KDM4D: variants seen among roughly 807,000 people sequenced by gnomAD.
The protein encoded by KDM4D is lysine-specific demethylase 4D.
For missense variants in KDM4D, 427 were observed against 674.8 expected (o/e 0.63, Z 4.07); for synonymous variants, 254 against 249.1 (o/e 1.02, Z -0.19).
At position 94,997,338 on chromosome 11, in the gene KDM4D, A is replaced by C; in HGVS notation, c.-35A>C. ...TTTCCTACATTGTCAACTATCTAGA[A>C]CATACCTAAAAACTAAGAGTTTACT... is the stretch of plus-strand genomic sequence containing the variant. On this transcript the variant is annotated 5_prime_UTR_variant, in exon 3 of 3. Coordinates refer to ENST00000335080, the MANE Select transcript of KDM4D (RefSeq NM_018039.3). 1 of 1,534,048 alleles carries C rather than the reference A, an allele frequency of 6.5e-7. No homozygotes were observed. Among genetic ancestry groups the C allele is most frequent in the Non-Finnish European group, 8.8e-7 (1 of 1,141,678 alleles).
chr11:94,990,154 C>G (rs1198500378), intron 2 of KDM4D, among the ~76,000 whole-genome samples: 1 of 152,208 alleles, frequency 6.6e-6, no homozygotes, highest in Non-Finnish European at 1.5e-5. Context: ...GCAAGCACAT[C>G]TCATGGAAGA....
intron 2 of KDM4D, among the ~76,000 whole-genome samples, chr11:94,984,218 G>T (rs587639672): frequency 6.6e-6 from 1 of 152,290 alleles, no homozygotes; most frequent in African/African-American, 2.4e-5. Flanking sequence ...AATGAGGCCA[G>T]GCACAGTGGC....
rs1857980602 is a variant in KDM4D, at chr11:94,997,041, G to A, written c.-332G>A. The A allele has an allele frequency of 5.2e-6, 1 of 193,298 alleles. No homozygotes were observed. The highest frequency in any genetic ancestry group is 6.0e-5 in the Admixed American group (1 of 16,706). 12.0% of individuals were successfully genotyped at this position (193,298 alleles called of 1,614,324 possible). ...TCTTTTAGATTTTGTTCTAAACACT[G>A]AGGACATTCTCTGCTACATTTGGGT... On this transcript the variant is annotated 5_prime_UTR_variant, in exon 3 of 3. Transcript: ENST00000335080.
intron 2 of KDM4D, among the ~76,000 whole-genome samples, chr11:94,988,715 G>C (rs782695144): frequency 6.6e-6 from 1 of 152,196 alleles, no homozygotes; most frequent in Non-Finnish European, 1.5e-5. Flanking sequence ...TGGATACACA[G>C]GCTCCAATCC....
chr11:94,982,727 CTT>C (rs879993417), intron 2 of KDM4D, among the ~76,000 whole-genome samples: 88 of 151,650 alleles, frequency 5.8e-4, no homozygotes, highest in Middle Eastern at 6.8e-3. Context: ...AATAAGAAAA[CTT>C]AATAGAAAAA....
rs1555099692 is a variant in KDM4D at position 94,998,944 on chromosome 11, A to G, written c.1572A>G (p.Ter524=). ...GGTGCAGCTGGGCCCCTGTGCCCTA[A>G]GTCCACGGGCTGTCTTTATATCCCA... is the stretch of plus-strand genomic sequence containing the variant. ...ASGCSWAPVP[*] The change falls in exon 3 of 3, where the codon TAA becomes TAG. Residue 524 remains the stop codon, a stop_retained_variant. Transcript: ENST00000335080. The surrounding 1 kb of genome is among the most constrained non-coding windows in gnomAD (Gnocchi z 6.7). The G allele has an allele frequency of 7.3e-6, 11 of 1,507,732 alleles. No homozygotes were observed. The South Asian group carries it at 1.5e-4, about 21-fold the overall frequency. The allele number at this position is 1,507,732 out of a possible 1,614,324, so 93.4% of individuals were successfully genotyped here.
intron 2 of KDM4D, among the ~76,000 whole-genome samples, chr11:94,986,326 G>A (rs904775064): frequency 2.0e-5 from 3 of 152,128 alleles, no homozygotes; most frequent in African/African-American, 2.4e-5. Context: ...TTGGTGGCTC[G>A]CACCTGTAAT....
intron 2 of KDM4D, among the ~76,000 whole-genome samples, 168 bp downstream of exon 2, chr11:94,975,916 C>G (rs1857793822): frequency 6.6e-6 from 1 of 152,140 alleles, no homozygotes; most frequent in Admixed American, 6.5e-5. Flanking sequence ...AACTCCCAGC[C>G]CACTAACCTA....
chr11:94,983,291 T>C (rs1005307595), intron 2 of KDM4D, among the ~76,000 whole-genome samples: 1 of 150,260 alleles, frequency 6.7e-6, no homozygotes, highest in African/African-American at 2.4e-5. Context: ...AAAAAAGTTC[T>C]GTTTCTTACA....
At chr11:94,978,341 A>G (rs1857815954) in intron 2 of KDM4D, among the ~76,000 whole-genome samples, 2 of 152,232 alleles carry the variant, frequency 1.3e-5, no homozygotes, top group South Asian at 2.1e-4. Flanking sequence ...ACATTTTAAA[A>G]TAAAGTAACA....
intron 2 of KDM4D, among the ~76,000 whole-genome samples, chr11:94,982,248 T>G (rs183020801): frequency 5.9e-5 from 9 of 151,928 alleles, no homozygotes; most frequent in Non-Finnish European, 1.2e-4. Flanking sequence ...TTTTGTAAAT[T>G]TTTTATAGAA....
intron 2 of KDM4D, among the ~76,000 whole-genome samples, chr11:94,993,187 T>C (rs1199639977): frequency 6.6e-6 from 1 of 152,140 alleles, no homozygotes. Context: ...AAGAAAGACT[T>C]TCTAATTTCC....
chr11:94,987,901 T>C (rs1343777449), intron 2 of KDM4D, among the ~76,000 whole-genome samples: 1 of 150,226 alleles, frequency 6.7e-6, no homozygotes, highest in Non-Finnish European at 1.5e-5. Context: ...CATTAGGAAA[T>C]GGAGAGTAAA....
At chr11:94,990,463 A>T (rs1230928049) in intron 2 of KDM4D, among the ~76,000 whole-genome samples, 5 of 152,214 alleles carry the variant, frequency 3.3e-5, no homozygotes, top group African/African-American at 1.2e-4. Context: ...GGACCATTTG[A>T]CTGGAACTAC....
At chr11:94,987,179 T>C (rs950367961) in intron 2 of KDM4D, among the ~76,000 whole-genome samples, 1 of 152,160 alleles carries the variant, frequency 6.6e-6, no homozygotes, top group South Asian at 2.1e-4. Flanking sequence ...TGAATGCAAA[T>C]GGAACAAGGT....
intron 1 of KDM4D, among the ~76,000 whole-genome samples, 193 bp from the exon 2 acceptor site, chr11:94,975,461 T>G (rs1221226103): frequency 6.6e-6 from 1 of 152,188 alleles, no homozygotes; most frequent in Non-Finnish European, 1.5e-5. Flanking sequence ...CTTTCTGTGC[T>G]TTCAGTTTCC....
intron 2 of KDM4D, among the ~76,000 whole-genome samples, chr11:94,993,513 GTTT>G (rs201151130): frequency 2.8e-5 from 4 of 142,046 alleles, no homozygotes; most frequent in Non-Finnish European, 4.6e-5. Flanking sequence ...ATTCTAAGCA[GTTT>G]TTTTTTTTTT....
chr11:94,995,899 A>G (rs972194257), intron 2 of KDM4D, among the ~76,000 whole-genome samples: 1 of 152,072 alleles, frequency 6.6e-6, no homozygotes, highest in Non-Finnish European at 1.5e-5. Context: ...GAACCTTACT[A>G]TCTGCTTTCT....
intron 2 of KDM4D, among the ~76,000 whole-genome samples, chr11:94,988,644 TG>T (rs1271974532): frequency 3.3e-5 from 5 of 152,218 alleles, no homozygotes; most frequent in African/African-American, 1.2e-4. Context: ...TTGGTGTCTT[TG>T]ACCAGAGGAT....
Sources: allele counts gnomAD v4.1 joint callset (sites outside exome capture counted in the v4.1 genomes callset), GRCh38; gene constraint gnomAD v4.1.1; non-coding constraint Gnocchi (gnomAD v3.1); transcripts MANE v1.5; gene names NCBI Gene and HGNC (gene_info 2026-07-23, HGNC 2026-07-21).